Variants in ADGRB3 observed in about 807,000 individuals in gnomAD.
ADGRB3 encodes the protein brain-specific angiogenesis inhibitor 3.
In ADGRB3, 37 loss-of-function variants were observed where a neutral mutation model predicts 193.4. That is an observed-to-expected ratio of 0.19 (90% CI 0.15 to 0.25). The LOEUF is 0.25. ADGRB3 is among the 10% of genes least tolerant of loss of function. The pLI is 1.00. For synonymous variants in ADGRB3, 690 were observed against 644.2 expected, an observed-to-expected ratio of 1.07 and a Z score of -1.08; for missense variants, 1,637 against 1,852.9, an observed-to-expected ratio of 0.88 and a Z score of 2.14.
At chr6:69,264,291 A>G (rs1267730496) in intron 20 of ADGRB3, among the ~76,000 whole-genome samples, 2 of 152,098 alleles carry the variant, frequency 1.3e-5, no homozygotes, top group East Asian at 3.9e-4. Context: ...AGAAACCGCC[A>G]TGGCTATTTC....
chr6:69,234,914 GTAA>G, intron 18 of ADGRB3, 115 bp from the exon 19 acceptor site: 1 of 710,350 alleles, frequency 1.4e-6, no homozygotes, highest in Non-Finnish European at 2.3e-6. Flanking sequence ...TAACTATCTG[GTAA>G]CTATAACAAC....
At chr6:68,719,592 G>C (rs2127322885) in intron 3 of ADGRB3, among the ~76,000 whole-genome samples, 1 of 151,846 alleles carries the variant, frequency 6.6e-6, no homozygotes, top group South Asian at 2.1e-4. Flanking sequence ...GTGATCCCTA[G>C]TTGTGTTTTG....
At position 69,344,559 on chromosome 6, in the gene ADGRB3, A is replaced by G. The variant is rs7748097; in HGVS notation, c.3459+5055A>G. 9.7e-3 allele frequency among the ~76,000 whole-genome samples: 1,485 copies of G among 152,330 alleles called. 22 individuals are homozygous for G. Among genetic ancestry groups the G allele is most frequent in the African/African-American group, 0.034 (1,419 of 41,574 alleles). ...TATTCCAAAGTAAATCATTATAAAA[A>G]TGAAGCCAGTAGTGATGAAATAACT... On this transcript the variant is annotated intron_variant, in intron 26 of 31. Transcript: ENST00000370598.
At chr6:69,292,502 A>G (rs150439997) in intron 20 of ADGRB3, among the ~76,000 whole-genome samples, 17 of 152,238 alleles carry the variant, frequency 1.1e-4, no homozygotes, top group Non-Finnish European at 1.2e-4. Context: ...ATTTGTTGAT[A>G]TATTTGTTTT....
chr6:69,313,340 C>G (rs1222936387), intron 20 of ADGRB3, among the ~76,000 whole-genome samples: 1 of 151,748 alleles, frequency 6.6e-6, no homozygotes, highest in Non-Finnish European at 1.5e-5. Context: ...CAGGATGCCC[C>G]TAAATCAAAA....
chr6:69,151,294 GTA>G (rs1774672950), intron 17 of ADGRB3, among the ~76,000 whole-genome samples: 1 of 152,194 alleles, frequency 6.6e-6, no homozygotes, highest in Non-Finnish European at 1.5e-5. Context: ...CTCCTGAGAT[GTA>G]TGATTCCCCT....
chr6:68,796,346 A>G (rs1017906007), intron 3 of ADGRB3, among the ~76,000 whole-genome samples: 7 of 152,020 alleles, frequency 4.6e-5, no homozygotes, highest in Non-Finnish European at 7.4e-5. Context: ...GAAGCCTTGT[A>G]TTAATATATT....
At chr6:68,997,319 T>G (rs17400036) in intron 11 of ADGRB3, among the ~76,000 whole-genome samples, 7,613 of 151,992 alleles carry the variant, frequency 0.05, 260 homozygotes, top group Middle Eastern at 0.16. Flanking sequence ...CCTTGAAAAC[T>G]TTTGAAGGCC....
chr6:68,959,259 T>G (rs933694426), intron 8 of ADGRB3, among the ~76,000 whole-genome samples: 2 of 152,158 alleles, frequency 1.3e-5, no homozygotes, highest in African/African-American at 4.8e-5. Context: ...AGCCATTATA[T>G]TGCTTCAAAT....
intron 3 of ADGRB3, among the ~76,000 whole-genome samples, chr6:68,754,848 G>A (rs530976908): frequency 9.9e-5 from 15 of 152,210 alleles, no homozygotes; most frequent in African/African-American, 3.6e-4. Context: ...GGAGTGACAG[G>A]GCTGTGGGAT....
intron 3 of ADGRB3, among the ~76,000 whole-genome samples, chr6:68,891,276 G>A (rs1766069081): frequency 4.6e-5 from 7 of 152,122 alleles, no homozygotes; most frequent in Admixed American, 4.6e-4. Context: ...AATTATGGGA[G>A]CTACGAGATG....
At chr6:68,950,859 G>A (rs928897089) in intron 6 of ADGRB3, among the ~76,000 whole-genome samples, 5 of 152,086 alleles carry the variant, frequency 3.3e-5, no homozygotes, top group Non-Finnish European at 5.9e-5. Context: ...TGTACCATCC[G>A]TTCTACACAA....
At chr6:68,714,150 T>C (rs1217158984) in intron 3 of ADGRB3, among the ~76,000 whole-genome samples, 1 of 151,790 alleles carries the variant, frequency 6.6e-6, no homozygotes, top group African/African-American at 2.4e-5. Context: ...TTTTATAAAA[T>C]ACTTGCATGC....
intron 3 of ADGRB3, among the ~76,000 whole-genome samples, chr6:68,740,262 T>C (rs1582162320): frequency 1.3e-5 from 2 of 152,186 alleles, no homozygotes; most frequent in Admixed American, 6.5e-5. Flanking sequence ...TTATCACTTA[T>C]ATCCAAAGTG....
intron 3 of ADGRB3, among the ~76,000 whole-genome samples, chr6:68,758,934 T>C (rs1261578301): frequency 1.3e-5 from 2 of 152,232 alleles, no homozygotes; most frequent in East Asian, 3.9e-4. Flanking sequence ...ATTCCTGAGA[T>C]TGGCAGTTTT....
intron 3 of ADGRB3, among the ~76,000 whole-genome samples, chr6:68,917,065 G>A (rs1396629008): frequency 6.6e-6 from 1 of 152,152 alleles, no homozygotes; most frequent in Non-Finnish European, 1.5e-5. Context: ...AGTGATAGAG[G>A]CTACTGGGAT....
intron 3 of ADGRB3, among the ~76,000 whole-genome samples, chr6:68,867,695 G>A (rs1480275301): frequency 3.3e-5 from 5 of 152,234 alleles, no homozygotes; most frequent in South Asian, 2.1e-4. Context: ...AGCCACAGGG[G>A]TGGAGCTGCC....
intron 31 of ADGRB3, among the ~76,000 whole-genome samples, chr6:69,383,504 C>T (rs1769996349): frequency 1.3e-5 from 2 of 152,042 alleles, no homozygotes; most frequent in South Asian, 2.1e-4. Flanking sequence ...TAACTTTGTA[C>T]AATTACTATG....
chr6:69,014,797 C>T lies in ADGRB3; in HGVS notation c.1998+691C>T, dbSNP rs540566054. ...AAATTTAGTTTAACTGGATGTCAAACTTCTTTAGGTTTTCTATTTGACTCT... is the reference window on the plus strand; with the variant it reads ...AAATTTAGTTTAACTGGATGTCAAATTTCTTTAGGTTTTCTATTTGACTCT... On this transcript the variant is annotated intron_variant, in intron 12 of 31. Coordinates refer to ENST00000370598, the MANE Select transcript of ADGRB3 (RefSeq NM_001704.3). Among the ~76,000 whole-genome samples, 176 of 151,760 alleles carry T rather than the reference C, an allele frequency of 1.2e-3. 1 individual carries two copies. Among genetic ancestry groups the T allele is most frequent in the African/African-American group, 4.2e-3 (174 of 41,460 alleles).
Sources: allele counts gnomAD v4.1 joint callset (sites outside exome capture counted in the v4.1 genomes callset), GRCh38; gene constraint gnomAD v4.1.1; transcripts MANE v1.5; gene names NCBI Gene and HGNC (gene_info 2026-07-23, HGNC 2026-07-21).